The following GALNT13 variants were observed in gnomAD, a reference collection of about 807,000 sequenced individuals.
The protein encoded by GALNT13 is polypeptide N-acetylgalactosaminyltransferase 13.
A neutral mutation model predicts 64.2 loss-of-function variants in GALNT13; 28 were observed. That is an observed-to-expected ratio of 0.44 (90% CI 0.32 to 0.60). The LOEUF is 0.60. Ranked by LOEUF, GALNT13 falls within the 20% of genes least tolerant of loss-of-function variation. GALNT13 has a pLI of 0.05. For synonymous variants in GALNT13, 214 were observed against 224.6 expected (o/e 0.95, Z 0.42); for missense variants, 577 against 669.8 (o/e 0.86, Z 1.53).
chr2:153,555,453 CA>C, the GALNT13 span, among the ~76,000 whole-genome samples: 3 of 104,774 alleles, frequency 2.9e-5, no homozygotes, highest in East Asian at 7.9e-4. Context: ...CTCGGCCTCC[CA>C]AAGTGCTGGG....
chr2:153,193,974 G>C, the GALNT13 span, among the ~76,000 whole-genome samples: 63 of 152,198 alleles, frequency 4.1e-4, 1 homozygote, highest in African/African-American at 1.4e-3. Flanking sequence ...TGCTAGTCTG[G>C]CGGGTTCCCT....
In GALNT13 at chr2:154,436,128, G is replaced by T. The variant is rs571242536; in HGVS notation, c.1396-2464G>T. ...GAAAAATAAGGAAGCATTATCTACA[G>T]ATTGTTTTTAACATTGCTTGTGAGC... On this transcript the variant is annotated intron_variant, in intron 11 of 12. Coordinates refer to ENST00000392825, the MANE Select transcript of GALNT13 (RefSeq NM_052917.4). 5 of 152,074 alleles carry T rather than the reference G, an allele frequency of 3.3e-5. No homozygotes were observed. In the South Asian group the frequency reaches 6.2e-4, roughly 19 times the overall value. The allele number at this position is 152,074 out of a possible 1,614,324, so 9.4% of individuals were successfully genotyped here.
chr2:153,658,177 C>T, the GALNT13 span, among the ~76,000 whole-genome samples: 5 of 152,104 alleles, frequency 3.3e-5, no homozygotes, highest in Non-Finnish European at 7.4e-5. Flanking sequence ...TGTACATAAA[C>T]CATTCATTCT....
chr2:154,242,948 C>A, intron 6 of GALNT13, 43 bp downstream of exon 6: 1 of 1,474,258 alleles, frequency 6.8e-7, no homozygotes, highest in Admixed American at 1.8e-5. Context: ...ATGACTGAAC[C>A]TCTTAGGACA....
chr2:154,350,087 G>T (rs1696307214), intron 9 of GALNT13, among the ~76,000 whole-genome samples: 1 of 152,202 alleles, frequency 6.6e-6, no homozygotes, highest in African/African-American at 2.4e-5. Context: ...TTCAGAGTGA[G>T]AATAGTAGTG....
chr2:153,649,605 G>A, the GALNT13 span, among the ~76,000 whole-genome samples: 1 of 151,774 alleles, frequency 6.6e-6, no homozygotes, highest in East Asian at 1.9e-4. Flanking sequence ...GGCATTTAGT[G>A]CTATAAATTT....
chr2:154,366,016 C>A (rs191308737), intron 9 of GALNT13, among the ~76,000 whole-genome samples: 37 of 152,212 alleles, frequency 2.4e-4, no homozygotes, highest in African/African-American at 8.7e-4. Flanking sequence ...AACTAAATAT[C>A]ATTGATGAGA....
the GALNT13 span, among the ~76,000 whole-genome samples, chr2:153,587,232 CAAA>C: frequency 7.7e-6 from 1 of 129,598 alleles, no homozygotes; most frequent in African/African-American, 2.9e-5. Context: ...GACTCTGTCT[CAAA>C]AAAAAAAAAA....
chr2:154,036,478 C>T (rs143090624), intron 3 of GALNT13, among the ~76,000 whole-genome samples: 114 of 152,132 alleles, frequency 7.5e-4, no homozygotes, highest in African/African-American at 2.5e-3. Context: ...AACTGTAAAT[C>T]AGCCTTAAAT....
At chr2:154,091,142 A>G (rs1030575265) in intron 3 of GALNT13, among the ~76,000 whole-genome samples, 1 of 152,042 alleles carries the variant, frequency 6.6e-6, no homozygotes, top group Non-Finnish European at 1.5e-5. Context: ...TCTAGTGCTC[A>G]GATATTTGAT....
chr2:153,148,548 C>T, the GALNT13 span, among the ~76,000 whole-genome samples: 3 of 148,620 alleles, frequency 2.0e-5, no homozygotes, highest in Admixed American at 1.4e-4. Context: ...GAACGCAAGA[C>T]TTTTCTGCAT....
chr2:154,023,595 C>T (rs966427421), intron 3 of GALNT13, among the ~76,000 whole-genome samples: 10 of 152,062 alleles, frequency 6.6e-5, no homozygotes, highest in East Asian at 3.9e-4. Context: ...TGTCTCTGCC[C>T]GTGAGATGGG....
At chr2:153,118,523 C>T in the GALNT13 span, among the ~76,000 whole-genome samples, 8 of 152,162 alleles carry the variant, frequency 5.3e-5, no homozygotes, top group African/African-American at 1.9e-4. Context: ...GGTCCACCCA[C>T]TATTATTATT....
the GALNT13 span, among the ~76,000 whole-genome samples, chr2:153,170,085 A>C: frequency 6.6e-6 from 1 of 152,224 alleles, no homozygotes; most frequent in East Asian, 1.9e-4. Flanking sequence ...TTTACTTTGA[A>C]GATTTAATGA....
the GALNT13 span, among the ~76,000 whole-genome samples, chr2:153,414,380 T>C: frequency 7.2e-6 from 1 of 138,464 alleles, no homozygotes; most frequent in Non-Finnish European, 1.6e-5. Context: ...GTCACAAAAA[T>C]AAAAATAAAA....
chr2:154,037,500 C>CT (rs1190433641), intron 3 of GALNT13, among the ~76,000 whole-genome samples: 1 of 152,072 alleles, frequency 6.6e-6, no homozygotes, highest in Non-Finnish European at 1.5e-5. Context: ...ACTGGAAGTC[C>CT]TAGCCAGAGC....
intron 4 of GALNT13, among the ~76,000 whole-genome samples, chr2:154,235,628 G>A (rs945778862): frequency 1.3e-5 from 2 of 152,146 alleles, no homozygotes; most frequent in East Asian, 3.9e-4. Flanking sequence ...TTCATTGACT[G>A]AGGTAGTAAA....
chr2:154,369,130 A>G lies in GALNT13; in HGVS notation c.1157-26861A>G, dbSNP rs137980049. ...AAAAAATGTTTCAAATAATGGTAAT[A>G]TTAGGGAGACATATAAAAAATTTAG... On this transcript the variant is annotated intron_variant, in intron 9 of 12. Transcript: ENST00000392825. Among the ~76,000 whole-genome samples the G allele has an allele frequency of 3.4e-3, 513 of 152,216 alleles. 4 individuals carry two copies. The highest frequency in any genetic ancestry group is 0.021 in the South Asian group (102 of 4,818).
chr2:153,323,926 G>A, the GALNT13 span, among the ~76,000 whole-genome samples: 1 of 152,152 alleles, frequency 6.6e-6, no homozygotes, highest in Non-Finnish European at 1.5e-5. Flanking sequence ...GTAGCATGAT[G>A]CCTCCAGCTT....
Sources: allele counts gnomAD v4.1 joint callset (sites outside exome capture counted in the v4.1 genomes callset), GRCh38; gene constraint gnomAD v4.1.1; transcripts MANE v1.5; gene names NCBI Gene and HGNC (gene_info 2026-07-23, HGNC 2026-07-21).